Variants in ACSL1 observed in about 807,000 individuals in gnomAD.
ACSL1 encodes the protein long-chain-fatty-acid--CoA ligase 1.
ACSL1 carries 41 observed loss-of-function variants against 98.4 expected under a neutral mutation model. The ratio of observed to expected loss-of-function variants is 0.42; its 90% CI spans 0.32 to 0.54. The LOEUF is 0.54. ACSL1 is among the 20% of genes least tolerant of loss of function. ACSL1 has a pLI of 0.13. For missense variants in ACSL1, 734 were observed against 883.1 expected (o/e 0.83, Z 2.14); for synonymous variants, 316 against 322.7 (o/e 0.98, Z 0.22).
At chr4:184,763,430 C>T (rs1334733965) in intron 15 of ACSL1, among the ~76,000 whole-genome samples, 175 bp from the exon 16 acceptor site, 8 of 152,220 alleles carry the variant, frequency 5.3e-5, no homozygotes, top group Admixed American at 5.2e-4. Flanking sequence ...TATTCTTAGA[C>T]TAGGGAAGAA....
intron 2 of ACSL1, among the ~76,000 whole-genome samples, chr4:184,799,669 A>G (rs1273962184): frequency 6.6e-6 from 1 of 151,930 alleles, no homozygotes; most frequent in Admixed American, 6.6e-5. Context: ...GCAACACAGC[A>G]AGACCTCATC....
chr4:184,780,423 A>T lies in ACSL1; in HGVS notation c.386T>A (p.Leu129Ter). ...EWLSYKQVAE[L>*]SECIGSALIQ... ...CAGTGCTGAGCCTATGCACTCCGAC[A>T]ATTCTGCAACCTAAAATGGAGAGGA... The change falls in exon 5 of 21, where the codon TTG becomes TAG. Residue 129 changes from leucine (L) to a stop codon, truncating the protein, a stop_gained. Coordinates refer to ENST00000281455, the MANE Select transcript of ACSL1 (RefSeq NM_001995.5). LOFTEE classifies it high-confidence loss of function. The T allele has an allele frequency of 6.2e-7, 1 of 1,612,398 alleles. No individual in the cohort carries two copies. Among genetic ancestry groups the T allele is most frequent in the Non-Finnish European group, 8.5e-7 (1 of 1,179,644 alleles).
chr4:184,771,553 AG>A (rs1764515847), intron 10 of ACSL1, among the ~76,000 whole-genome samples: 1 of 152,208 alleles, frequency 6.6e-6, no homozygotes, highest in African/African-American at 2.4e-5. Flanking sequence ...GTCCACAGAC[AG>A]ATTAAGTTTG....
In ACSL1 at chr4:184,765,578, A is replaced by G. The variant is rs371988699; in HGVS notation, c.1359+313T>C. Among the ~76,000 whole-genome samples, 18 of 152,258 alleles carry G rather than the reference A, an allele frequency of 1.2e-4. No individual in the cohort carries two copies. The East Asian group carries it at 2.3e-3, about 20-fold the overall frequency. ...ACTGGTTCAAGAGCTCCATAGCACC[A>G]CGTGGTGACTAGAGCTAACAACAAT... is the stretch of plus-strand genomic sequence containing the variant. On this transcript the variant is annotated intron_variant, in intron 14 of 20. Coordinates refer to ENST00000281455, the MANE Select transcript of ACSL1 (RefSeq NM_001995.5).
chr4:184,764,740 G>T, intron 15 of ACSL1, 113 bp downstream of exon 15: 1 of 930,994 alleles, frequency 1.1e-6, no homozygotes, highest in Non-Finnish European at 1.6e-6. Context: ...CAGAAACATA[G>T]CACTTTTGTT....
At chr4:184,781,955 T>A (rs1169802611) in intron 4 of ACSL1, among the ~76,000 whole-genome samples, 3 of 151,986 alleles carry the variant, frequency 2.0e-5, no homozygotes, top group Non-Finnish European at 4.4e-5. Flanking sequence ...TTCTCAAGAG[T>A]ACTCTTAAAG....
intron 5 of ACSL1, among the ~76,000 whole-genome samples, chr4:184,778,238 T>C (rs1009193637): frequency 6.6e-5 from 10 of 152,194 alleles, no homozygotes; most frequent in Non-Finnish European, 1.2e-4. Flanking sequence ...TGAAATCATC[T>C]GCAGAACTCT....
chr4:184,776,385 G>A (rs1765288654), intron 7 of ACSL1, 99 bp downstream of exon 7: 1 of 1,363,388 alleles, frequency 7.3e-7, no homozygotes, highest in Admixed American at 2.4e-5. Context: ...GGCCAGCGCT[G>A]GGACTGCACC....
chr4:184,797,546 A>C (rs1222694794), intron 2 of ACSL1, among the ~76,000 whole-genome samples: 1 of 152,182 alleles, frequency 6.6e-6, no homozygotes, highest in Non-Finnish European at 1.5e-5. Context: ...GACACTGAGA[A>C]GGCCTCTGGT....
intron 2 of ACSL1, among the ~76,000 whole-genome samples, chr4:184,800,966 C>A (rs965735592): frequency 6.6e-6 from 1 of 152,238 alleles, no homozygotes; most frequent in Non-Finnish European, 1.5e-5. Context: ...GATTCGTCCA[C>A]TTCAGTCTCC....
At chr4:184,775,458 G>A (rs1460199609) in intron 7 of ACSL1, among the ~76,000 whole-genome samples, 1 of 152,144 alleles carries the variant, frequency 6.6e-6, no homozygotes, top group African/African-American at 2.4e-5. Flanking sequence ...TATAGTAAAA[G>A]AGGGTTAAAA....
intron 11 of ACSL1, among the ~76,000 whole-genome samples, chr4:184,769,414 CTCTG>C (rs1395341130): frequency 1.3e-5 from 2 of 152,176 alleles, no homozygotes; most frequent in African/African-American, 2.4e-5. Flanking sequence ...TACAAATGTT[CTCTG>C]TCTTAGAAGC....
At chr4:184,762,601 G>T in intron 16 of ACSL1, 78 bp from the exon 17 acceptor site, 1 of 1,249,070 alleles carries the variant, frequency 8.0e-7, no homozygotes, top group South Asian at 1.2e-5. Context: ...ATGTGTGTAC[G>T]TGTGTGTCTG....
In ACSL1 at chr4:184,773,785, AG is replaced by A; in HGVS notation, c.789+57del. On this transcript the variant is annotated intron_variant, in intron 8 of 20. Coordinates refer to ENST00000281455, the MANE Select transcript of ACSL1 (RefSeq NM_001995.5). The surrounding 1 kb of genome is among the most constrained non-coding windows in gnomAD (Gnocchi z 4.3). ...AGAGAACTATAAGCCACAAGGTACC[AG>A]GCTAGATATTGAAAACTACAAAGAG... is the stretch of plus-strand genomic sequence containing the variant. The A allele has an allele frequency of 6.2e-7, 1 of 1,613,202 alleles. No homozygotes were observed. Among genetic ancestry groups the A allele is most frequent in the Non-Finnish European group, 8.5e-7 (1 of 1,179,536 alleles).
intron 3 of ACSL1, among the ~76,000 whole-genome samples, chr4:184,786,692 CTTTTTTT>C (rs34391801): frequency 8.1e-6 from 1 of 123,834 alleles, no homozygotes. Context: ...TAGGCACTTT[CTTTTTTT>C]TTTTTTTTTT....
At position 184,766,885 on chromosome 4, in the gene ACSL1, C is replaced by G. The variant is rs1453629605; in HGVS notation, c.1129-129G>C. 3.6e-6 allele frequency: 4 copies of G among 1,102,638 alleles called. No homozygotes were observed. The highest frequency in any genetic ancestry group is 5.1e-6 in the Non-Finnish European group (4 of 788,424). The allele number at this position is 1,102,638 out of a possible 1,614,324, so 68.3% of individuals were successfully genotyped here. ...TGGCACAGCTGCTCTGACAGCCTGG[C>G]CGGTCCTCTAACGGCCCCACATGGT... On this transcript the variant is annotated intron_variant, in intron 12 of 20. Coordinates refer to ENST00000281455, the MANE Select transcript of ACSL1 (RefSeq NM_001995.5). The surrounding 1 kb of genome is among the most constrained non-coding windows in gnomAD (Gnocchi z 4.8).
chr4:184,826,116 G>GCGGCCCCGCCCC (rs1773477333), upstream of ACSL1: 1 of 106,352 alleles, frequency 9.4e-6, no homozygotes, highest in South Asian at 3.3e-4. Flanking sequence ...GCCCCGCCCC[G>GCGGCCCCGCCCC]CCCGCAGGCC....
intron 2 of ACSL1, chr4:184,798,526 T>G: frequency 5.3e-6 from 1 of 190,268 alleles, no homozygotes; most frequent in Non-Finnish European, 1.1e-5. Context: ...AAGGAGCAGG[T>G]GAAGGGCAGA....
At chr4:184,813,213 A>C (rs995968171) in intron 1 of ACSL1, among the ~76,000 whole-genome samples, 1 of 152,192 alleles carries the variant, frequency 6.6e-6, no homozygotes, top group African/African-American at 2.4e-5. Context: ...TTGGCGGTAC[A>C]TATTTAAGAG....
Sources: allele counts gnomAD v4.1 joint callset (sites outside exome capture counted in the v4.1 genomes callset), GRCh38; gene constraint gnomAD v4.1.1; non-coding constraint Gnocchi (gnomAD v3.1); transcripts MANE v1.5; gene names NCBI Gene and HGNC (gene_info 2026-07-23, HGNC 2026-07-21).